GRIA1: variants seen among roughly 807,000 people sequenced by gnomAD.
GRIA1 encodes the protein glutamate ionotropic receptor AMPA type subunit 1.
Under a neutral mutation model 99.2 loss-of-function variants are expected in GRIA1, and 31 were observed. The observed-to-expected ratio is 0.31, with a 90% confidence interval of 0.23 to 0.42. GRIA1 has a LOEUF of 0.42. GRIA1 is among the 10% of genes least tolerant of loss of function. GRIA1 has a pLI of 1.00. For synonymous variants in GRIA1, 438 were observed against 432.4 expected (o/e 1.01, Z -0.16); for missense variants, 782 against 1,157.5 (o/e 0.68, Z 4.71).
intron 2 of GRIA1, among the ~76,000 whole-genome samples, chr5:153,506,921 G>A (rs1000421552): frequency 4.6e-5 from 7 of 152,058 alleles, no homozygotes; most frequent in South Asian, 2.1e-4. Context: ...CCAGGAGTTC[G>A]AGATCAGTCG....
intron 2 of GRIA1, among the ~76,000 whole-genome samples, chr5:153,584,032 C>T (rs1365024845): frequency 2.0e-5 from 3 of 152,220 alleles, no homozygotes; most frequent in African/African-American, 4.8e-5. Context: ...CTACTTACTA[C>T]TCCAGTGTAA....
intron 2 of GRIA1, among the ~76,000 whole-genome samples, chr5:153,646,314 G>A (rs1426197419): frequency 6.6e-6 from 1 of 152,102 alleles, no homozygotes; most frequent in Non-Finnish European, 1.5e-5. Flanking sequence ...TGGGAAAATC[G>A]ACACTTGTTT....
intron 12 of GRIA1, among the ~76,000 whole-genome samples, chr5:153,764,909 A>G (rs1351947189): frequency 6.6e-6 from 1 of 152,170 alleles, no homozygotes; most frequent in Non-Finnish European, 1.5e-5. Flanking sequence ...AAAGACATCA[A>G]ATACAATTTC....
intron 12 of GRIA1, among the ~76,000 whole-genome samples, chr5:153,769,901 C>T (rs1455026542): frequency 6.6e-6 from 1 of 151,990 alleles, no homozygotes; most frequent in Non-Finnish European, 1.5e-5. Flanking sequence ...TCTTAATTCT[C>T]CCCTTGTTTA....
At chr5:153,680,200 A>T (rs1021949751) in intron 7 of GRIA1, among the ~76,000 whole-genome samples, 3 of 152,118 alleles carry the variant, frequency 2.0e-5, no homozygotes, top group African/African-American at 7.2e-5. Context: ...CCAGCAGCAC[A>T]TGGCCTTGGG....
chr5:153,512,156 G>A (rs1248540765), intron 2 of GRIA1, among the ~76,000 whole-genome samples: 1 of 152,186 alleles, frequency 6.6e-6, no homozygotes, highest in African/African-American at 2.4e-5. Flanking sequence ...GATAAGAGGA[G>A]GAAAGTTTGC....
chr5:153,544,266 G>A (rs1482603796), intron 2 of GRIA1, among the ~76,000 whole-genome samples: 2 of 152,166 alleles, frequency 1.3e-5, no homozygotes, highest in African/African-American at 4.8e-5. Flanking sequence ...GCTCAGTCAA[G>A]GTGTGATGTC....
chr5:153,625,541 G>C (rs1767519527), intron 2 of GRIA1, among the ~76,000 whole-genome samples: 1 of 152,186 alleles, frequency 6.6e-6, no homozygotes, highest in East Asian at 1.9e-4. Context: ...GGCACTCACG[G>C]GCAAAGGGAG....
At chr5:153,793,955 C>G (rs911835682) in intron 13 of GRIA1, among the ~76,000 whole-genome samples, 3 of 152,222 alleles carry the variant, frequency 2.0e-5, no homozygotes, top group Non-Finnish European at 4.4e-5. Flanking sequence ...AGGAAAATGA[C>G]TCAACCATGG....
rs1269283691 is a variant in GRIA1 at position 153,811,108 on chromosome 5, C to A, written c.2604C>A (p.Ser868Arg). The A allele has an allele frequency of 1.2e-6, 2 of 1,613,886 alleles. No individual in the cohort carries two copies. Among genetic ancestry groups the A allele is most frequent in the Non-Finnish European group, 1.7e-6 (2 of 1,179,760 alleles). The change falls in exon 16 of 16, where the codon AGC becomes AGA. Residue 868 changes from serine to arginine, a missense_variant. Coordinates refer to ENST00000285900, the MANE Select transcript of GRIA1 (RefSeq NM_000827.4). ...CCCGCAACAGCGGGGCAGGAGCCAG[C>A]AGCGGCGGCAGTGGAGAGAATGGTC... ...TLPRNSGAGA[S>R]SGGSGENGRV...
intron 5 of GRIA1, among the ~76,000 whole-genome samples, chr5:153,663,971 A>G (rs1755561123): frequency 6.6e-6 from 1 of 152,140 alleles, no homozygotes; most frequent in Non-Finnish European, 1.5e-5. Context: ...ACCATTTCAG[A>G]TATGTAAGAC....
At chr5:153,785,558 G>A (rs1021069219) in intron 13 of GRIA1, among the ~76,000 whole-genome samples, 29 of 152,116 alleles carry the variant, frequency 1.9e-4, no homozygotes, top group Non-Finnish European at 5.9e-5. Context: ...AAAAATTAAT[G>A]AAGGAAACAA....
In GRIA1 at chr5:153,792,903, T is replaced by G. The variant is rs139992775; in HGVS notation, c.2271-1718T>G. Among the ~76,000 whole-genome samples, 510 of 152,254 alleles carry G rather than the reference T, an allele frequency of 3.3e-3. 7 individuals carry two copies. Among genetic ancestry groups the G allele is most frequent in the African/African-American group, 0.012 (480 of 41,536 alleles). ...TTTCCCAGCTTGAAAATTGCCACAT[T>G]TAAAATCCCAATGTGGGGTAAGCAA... On this transcript the variant is annotated intron_variant, in intron 13 of 15. Transcript: ENST00000285900.
At chr5:153,543,471 T>C (rs1053163208) in intron 2 of GRIA1, among the ~76,000 whole-genome samples, 1 of 152,202 alleles carries the variant, frequency 6.6e-6, no homozygotes, top group African/African-American at 2.4e-5. Context: ...GTTGAGTAAT[T>C]TCCTGAGAGC....
chr5:153,559,153 G>T (rs190638074), intron 2 of GRIA1, among the ~76,000 whole-genome samples: 2 of 152,160 alleles, frequency 1.3e-5, no homozygotes, highest in South Asian at 4.1e-4. Flanking sequence ...CGCCATGCAA[G>T]CTTCTGCTCC....
intron 13 of GRIA1, among the ~76,000 whole-genome samples, chr5:153,780,352 G>T (rs1341378736): frequency 6.6e-6 from 1 of 152,194 alleles, no homozygotes; most frequent in Non-Finnish European, 1.5e-5. Context: ...TACGACCCAT[G>T]TGATCTTGAG....
chr5:153,805,525 A>C (rs1336154374), intron 15 of GRIA1, among the ~76,000 whole-genome samples: 1 of 152,170 alleles, frequency 6.6e-6, no homozygotes, highest in Non-Finnish European at 1.5e-5. Context: ...TTTTGGCCCC[A>C]TGTTTGTGCT....
intron 15 of GRIA1, among the ~76,000 whole-genome samples, chr5:153,810,781 G>A (rs929559039): frequency 6.6e-6 from 1 of 152,158 alleles, no homozygotes; most frequent in African/African-American, 2.4e-5. Context: ...AGGATCTTCT[G>A]TCTCACCCAA....
intron 11 of GRIA1, among the ~76,000 whole-genome samples, chr5:153,738,911 G>A (rs929416455): frequency 7.9e-5 from 12 of 151,462 alleles, no homozygotes; most frequent in African/African-American, 1.5e-4. Context: ...TAGTAGAGAC[G>A]GGGTTTTACC....
Sources: gnomAD v4.1 joint callset for allele counts (sites outside exome capture counted in the v4.1 genomes callset) on GRCh38, gnomAD v4.1.1 for gene constraint, MANE v1.5 for transcripts, NCBI Gene and HGNC (gene_info 2026-07-23, HGNC 2026-07-21) for gene names.